The following GABRG3 variants were observed in gnomAD, a reference collection of about 807,000 sequenced individuals.
GABRG3 encodes the protein gamma-aminobutyric acid type A receptor subunit gamma3.
Under a neutral mutation model 48.8 loss-of-function variants are expected in GABRG3, and 25 were observed. The ratio of observed to expected loss-of-function variants is 0.51; its 90% CI spans 0.37 to 0.72. The LOEUF (loss-of-function observed/expected upper bound fraction) is 0.72, where lower values mean the gene tolerates loss of function less well. Ranked by LOEUF, GABRG3 falls within the 30% of genes least tolerant of loss-of-function variation. The pLI, the probability that GABRG3 is intolerant of heterozygous loss-of-function variation, is 0.00. For synonymous variants in GABRG3, 227 were observed against 217.6 expected (o/e 1.04, Z -0.38); for missense variants, 394 against 577.9 (o/e 0.68, Z 3.26).
intron 3 of GABRG3, among the ~76,000 whole-genome samples, chr15:27,093,118 A>G (rs1897218287): frequency 6.6e-6 from 1 of 152,040 alleles, no homozygotes; most frequent in Non-Finnish European, 1.5e-5. Flanking sequence ...AGAGTGCCTG[A>G]GCATTGTATC....
intron 3 of GABRG3, among the ~76,000 whole-genome samples, chr15:27,129,487 G>A (rs1595540713): frequency 6.6e-6 from 1 of 152,196 alleles, no homozygotes; most frequent in South Asian, 2.1e-4. Flanking sequence ...TCTGGTTATT[G>A]TGAATAATGC....
At chr15:27,111,300 T>C (rs1385643517) in intron 3 of GABRG3, among the ~76,000 whole-genome samples, 1 of 152,234 alleles carries the variant, frequency 6.6e-6, no homozygotes, top group African/African-American at 2.4e-5. Flanking sequence ...CTCTGCTTTT[T>C]CCCTGAGAGT....
At chr15:27,095,989 C>T (rs1359960267) in intron 3 of GABRG3, among the ~76,000 whole-genome samples, 1 of 152,184 alleles carries the variant, frequency 6.6e-6, no homozygotes, top group Non-Finnish European at 1.5e-5. Context: ...TGGATTATCG[C>T]ATCTCATCAA....
At chr15:26,997,362 T>G (rs984769005) in intron 2 of GABRG3, among the ~76,000 whole-genome samples, 2 of 152,200 alleles carry the variant, frequency 1.3e-5, no homozygotes, top group African/African-American at 2.4e-5. Flanking sequence ...CTGCTGTTCT[T>G]TTTTTCCTGT....
intron 3 of GABRG3, among the ~76,000 whole-genome samples, chr15:27,276,019 G>A (rs1376773750): frequency 3.9e-5 from 6 of 152,246 alleles, no homozygotes; most frequent in Admixed American, 3.3e-4. Context: ...TGATCCTGCA[G>A]GACCACAGGA....
chr15:27,056,277 G>A (rs1896543544), intron 3 of GABRG3, among the ~76,000 whole-genome samples: 1 of 150,836 alleles, frequency 6.6e-6, no homozygotes, highest in African/African-American at 2.4e-5. Context: ...CTTGAGCCTG[G>A]GGGGAACTGA....
Position 27,254,369 on chromosome 15 carries a change from GTTC to G in GABRG3, c.271-72435_271-72433del, listed in dbSNP as rs1890549023. ...ATGTCACACAGGAGGGTTCTCGCCTGTTCTTCTGAGTACGCTACTGTGTTGTTT... is the reference window on the plus strand; with the variant it reads ...ATGTCACACAGGAGGGTTCTCGCCTGTTCTGAGTACGCTACTGTGTTGTTT... On this transcript the variant is annotated intron_variant, in intron 3 of 9. Transcript: ENST00000615808. Among the ~76,000 whole-genome samples the G allele has an allele frequency of 3.3e-5, 5 of 152,270 alleles. No homozygotes were observed. In the South Asian group the frequency reaches 1.0e-3, roughly 32 times the overall value.
intron 3 of GABRG3, among the ~76,000 whole-genome samples, chr15:27,111,285 A>G (rs538103921): frequency 1.3e-5 from 2 of 152,226 alleles, no homozygotes; most frequent in East Asian, 3.9e-4. Context: ...TTGCTCTTGC[A>G]TGTCCTCTGC....
chr15:27,139,060 G>C (rs1211918407), intron 3 of GABRG3, among the ~76,000 whole-genome samples: 1 of 152,072 alleles, frequency 6.6e-6, no homozygotes, highest in African/African-American at 2.4e-5. Context: ...TATGAGAACT[G>C]GACAGACAGA....
chr15:27,149,659 T>C (rs1359538579), intron 3 of GABRG3, among the ~76,000 whole-genome samples: 2 of 152,208 alleles, frequency 1.3e-5, no homozygotes, highest in African/African-American at 4.8e-5. Context: ...TGGAATAGAA[T>C]TGAACATCCA....
chr15:27,388,401 GGGAA>G (rs1249865572), intron 5 of GABRG3, among the ~76,000 whole-genome samples: 1 of 147,740 alleles, frequency 6.8e-6, no homozygotes, highest in Non-Finnish European at 1.5e-5. Flanking sequence ...AGGGAGGGAG[GGGAA>G]GGAAGGAAGG....
rs1168536086 is a variant in GABRG3, at chr15:27,333,469, C to A, written c.574+4581C>A. ...AAAACAGCACCTCTCTCTGATCCCA[C>A]TTTTGTTGTCATATCTCTCTTAGAC... is the stretch of plus-strand genomic sequence containing the variant. On this transcript the variant is annotated intron_variant, in intron 5 of 9. Coordinates refer to ENST00000615808, the MANE Select transcript of GABRG3 (RefSeq NM_033223.5). Among the ~76,000 whole-genome samples, 9 of 152,296 alleles carry A rather than the reference C, an allele frequency of 5.9e-5. No homozygotes were observed. The East Asian group carries it at 1.2e-3, about 20-fold the overall frequency.
At chr15:27,107,571 TTCTC>T (rs550649346) in intron 3 of GABRG3, among the ~76,000 whole-genome samples, 1 of 152,166 alleles carries the variant, frequency 6.6e-6, no homozygotes, top group South Asian at 2.1e-4. Context: ...ACTGGAAAAG[TTCTC>T]TCTAATTCAA....
At chr15:27,173,705 CAAAA>C (rs199674664) in intron 3 of GABRG3, among the ~76,000 whole-genome samples, 1 of 73,346 alleles carries the variant, frequency 1.4e-5, no homozygotes, top group Non-Finnish European at 3.1e-5. Flanking sequence ...CTATCGCTGC[CAAAA>C]AAAAAAAAAA....
chr15:27,313,262 GTATATATATATATATATATA>G (rs1169926074), intron 3 of GABRG3, among the ~76,000 whole-genome samples: 2,773 of 34,626 alleles, frequency 0.08, 214 homozygotes, highest in African/African-American at 0.21. Context: ...GTGTGTGTGT[GTATATATATATATATATATA>G]TATATATATA....
At chr15:27,372,381 GTATT>G (rs754031749) in intron 5 of GABRG3, among the ~76,000 whole-genome samples, 2 of 151,914 alleles carry the variant, frequency 1.3e-5, no homozygotes, top group African/African-American at 4.8e-5. Context: ...TAAACTTTTT[GTATT>G]TATTTATTTA....
At chr15:27,064,011 TCAAC>T (rs1437421890) in intron 3 of GABRG3, among the ~76,000 whole-genome samples, 2 of 152,332 alleles carry the variant, frequency 1.3e-5, no homozygotes, top group South Asian at 2.1e-4. Flanking sequence ...AGAGAAATGA[TCAAC>T]CAAGCAACTG....
intron 5 of GABRG3, among the ~76,000 whole-genome samples, chr15:27,410,275 T>G (rs1887756168): frequency 6.6e-6 from 1 of 152,198 alleles, no homozygotes; most frequent in Non-Finnish European, 1.5e-5. Flanking sequence ...GTATAGTCCT[T>G]TTAACAAATG....
chr15:27,112,946 A>G (rs1897579821), intron 3 of GABRG3, among the ~76,000 whole-genome samples: 2 of 152,186 alleles, frequency 1.3e-5, no homozygotes, highest in Non-Finnish European at 2.9e-5. Flanking sequence ...CAATTCTAAG[A>G]ATAAAGTCTA....
Sources: allele counts gnomAD v4.1 joint callset (sites outside exome capture counted in the v4.1 genomes callset), GRCh38; gene constraint gnomAD v4.1.1; transcripts MANE v1.5; gene names NCBI Gene and HGNC (gene_info 2026-07-23, HGNC 2026-07-21).